The following SLC4A10 variants were observed in gnomAD, a reference collection of about 807,000 sequenced individuals.
The protein encoded by SLC4A10 is sodium-driven chloride bicarbonate exchanger.
Under a neutral mutation model 137.7 loss-of-function variants are expected in SLC4A10, and 42 were observed. That is an observed-to-expected ratio of 0.30 (90% CI 0.24 to 0.39). The LOEUF is 0.39. Ranked by LOEUF, SLC4A10 falls within the 10% of genes least tolerant of loss-of-function variation. SLC4A10 has a pLI of 1.00. For synonymous variants in SLC4A10, 474 were observed against 464.1 expected (o/e 1.02, Z -0.27); for missense variants, 925 against 1,355.0 (o/e 0.68, Z 4.98).
Position 161,964,081 on chromosome 2 carries a change from T to G in SLC4A10, c.2863-54T>G, listed in dbSNP as rs955287626. 7 of 1,469,610 alleles carry G rather than the reference T, an allele frequency of 4.8e-6. No individual in the cohort carries two copies. The African/African-American group carries it at 8.5e-5, about 18-fold the overall frequency. The allele number at this position is 1,469,610 out of a possible 1,614,324, so 91.0% of individuals were successfully genotyped here. On this transcript the variant is annotated intron_variant, in intron 21 of 26. Transcript: ENST00000446997. ...GACCATATTAAACATCAACTTGTCC[T>G]ACTTTTATTGTTGTCTTACACCTAA...
rs148402683 is a variant in SLC4A10 at position 161,656,674 on chromosome 2, G to A, written c.48+32108G>A. On this transcript the variant is annotated intron_variant, in intron 1 of 26. Transcript: ENST00000446997. ...AGTGATATCTTTGAATTAATGTTTC[G>A]TGCCTGAGTCACCAGCTGACCATTT... Among the ~76,000 whole-genome samples, 594 of 152,052 alleles carry A rather than the reference G, an allele frequency of 3.9e-3. 2 individuals carry two copies. The highest frequency in any genetic ancestry group is 0.013 in the African/African-American group (552 of 41,494).
intron 1 of SLC4A10, among the ~76,000 whole-genome samples, chr2:161,665,935 A>G (rs1157625222): frequency 6.8e-6 from 1 of 148,076 alleles, no homozygotes; most frequent in Non-Finnish European, 1.5e-5. Context: ...TATAGACTAC[A>G]TTATATATAT....
intron 1 of SLC4A10, among the ~76,000 whole-genome samples, chr2:161,724,595 A>G (rs1458484179): frequency 6.6e-6 from 1 of 152,164 alleles, no homozygotes; most frequent in Non-Finnish European, 1.5e-5. Context: ...TTGTCAAGAA[A>G]AGCTTCTCTG....
rs1040107318 is a variant in SLC4A10, at chr2:161,635,407, C to T, written c.48+10841C>T. 2.6e-5 allele frequency among the ~76,000 whole-genome samples: 4 copies of T among 152,198 alleles called. No individual in the cohort carries two copies. The East Asian group carries it at 7.7e-4, about 29-fold the overall frequency. On this transcript the variant is annotated intron_variant, in intron 1 of 26. Coordinates refer to ENST00000446997, the MANE Select transcript of SLC4A10 (RefSeq NM_001178015.2). ...CTTATACTAAGCAGATGTTGTCATT[C>T]CTTGGCCCTCCAAAAAGTCCACAAG...
intron 1 of SLC4A10, among the ~76,000 whole-genome samples, chr2:161,765,703 G>C (rs1395449966): frequency 6.6e-6 from 1 of 151,854 alleles, no homozygotes; most frequent in East Asian, 1.9e-4. Flanking sequence ...TCCTTACACA[G>C]TGCTAAAATT....
intron 19 of SLC4A10, 59 bp downstream of exon 19, chr2:161,950,907 T>A: frequency 7.5e-7 from 1 of 1,337,994 alleles, no homozygotes; most frequent in Non-Finnish European, 1.0e-6. Flanking sequence ...CAACTGATGT[T>A]CATTTGACTT....
At chr2:161,751,667 T>A (rs894958158) in intron 1 of SLC4A10, among the ~76,000 whole-genome samples, 1 of 151,798 alleles carries the variant, frequency 6.6e-6, no homozygotes, top group Non-Finnish European at 1.5e-5. Flanking sequence ...GGCATCACCA[T>A]CCTCCTTTTT....
intron 26 of SLC4A10, among the ~76,000 whole-genome samples, chr2:161,979,805 C>G (rs1427149570): frequency 6.6e-6 from 1 of 152,160 alleles, no homozygotes; most frequent in Non-Finnish European, 1.5e-5. Context: ...TTTGACACCC[C>G]CCATTCTGAG....
intron 1 of SLC4A10, among the ~76,000 whole-genome samples, chr2:161,685,346 C>T (rs914654793): frequency 6.6e-6 from 1 of 152,146 alleles, no homozygotes; most frequent in Non-Finnish European, 1.5e-5. Context: ...TGGCTCACTC[C>T]TGTAATCCCA....
chr2:161,726,747 A>G (rs1323060729), intron 1 of SLC4A10, among the ~76,000 whole-genome samples: 1 of 152,136 alleles, frequency 6.6e-6, no homozygotes, highest in African/African-American at 2.4e-5. Context: ...CAACTCTACT[A>G]AAAATACAAA....
At chr2:161,913,994 T>C (rs1327221325) in intron 15 of SLC4A10, among the ~76,000 whole-genome samples, 1 of 152,230 alleles carries the variant, frequency 6.6e-6, no homozygotes, top group Non-Finnish European at 1.5e-5. Flanking sequence ...GCTACATACT[T>C]TATAGCATTA....
chr2:161,813,909 G>C lies in SLC4A10; in HGVS notation c.277+9314G>C, dbSNP rs1325738329. On this transcript the variant is annotated intron_variant, in intron 3 of 26. Coordinates refer to ENST00000446997, the MANE Select transcript of SLC4A10 (RefSeq NM_001178015.2). ...CCCGTACACCAACCAGAATCTCTGTGCCTGGGGCCTAAGCATGAGTATTTT... is the reference window on the plus strand; with the variant it reads ...CCCGTACACCAACCAGAATCTCTGTCCCTGGGGCCTAAGCATGAGTATTTT... Among the ~76,000 whole-genome samples, 4 of 152,134 alleles carry C rather than the reference G, an allele frequency of 2.6e-5. No individual in the cohort carries two copies. The East Asian group carries it at 7.7e-4, about 29-fold the overall frequency.
rs1345573660 is a variant in SLC4A10 at position 161,662,077 on chromosome 2, A to G, written c.48+37511A>G. ...TCTTTTAACTTCTCCCTCATGCAGT[A>G]ATCTAATATGAATGTTTGGGTAATG... On this transcript the variant is annotated intron_variant, in intron 1 of 26. Transcript: ENST00000446997. 2.0e-5 allele frequency among the ~76,000 whole-genome samples: 3 copies of G among 152,134 alleles called. No individual in the cohort carries two copies. The East Asian group carries it at 5.8e-4, about 29-fold the overall frequency.
intron 22 of SLC4A10, among the ~76,000 whole-genome samples, 180 bp from the exon 23 acceptor site, chr2:161,964,871 A>T (rs1697314908): frequency 6.6e-6 from 1 of 152,160 alleles, no homozygotes; most frequent in South Asian, 2.1e-4. Flanking sequence ...GTGGTGATGT[A>T]GTAAGAAAAG....
intron 1 of SLC4A10, among the ~76,000 whole-genome samples, chr2:161,724,024 C>G (rs1386247421): frequency 6.6e-6 from 1 of 152,164 alleles, no homozygotes; most frequent in Non-Finnish European, 1.5e-5. Context: ...AGCATGACAA[C>G]CTGACAATCA....
chr2:161,766,001 A>C (rs914931269), intron 1 of SLC4A10, among the ~76,000 whole-genome samples: 2 of 152,118 alleles, frequency 1.3e-5, no homozygotes, highest in African/African-American at 4.8e-5. Context: ...GAGGACTTTT[A>C]GTACATGTAT....
intron 6 of SLC4A10, 38 bp from the exon 7 acceptor site, chr2:161,872,255 A>G: frequency 6.6e-7 from 1 of 1,510,558 alleles, no homozygotes; most frequent in Non-Finnish European, 9.2e-7. Flanking sequence ...CAACTATGTA[A>G]GTAATTGTTT....
chr2:161,626,839 A>T (rs557682271), intron 1 of SLC4A10, among the ~76,000 whole-genome samples: 13 of 152,256 alleles, frequency 8.5e-5, no homozygotes, highest in African/African-American at 3.1e-4. Flanking sequence ...AACCAAGCTT[A>T]ACATGATCAG....
intron 1 of SLC4A10, among the ~76,000 whole-genome samples, chr2:161,657,376 A>G (rs1043540730): frequency 6.6e-6 from 1 of 152,064 alleles, no homozygotes; most frequent in African/African-American, 2.4e-5. Flanking sequence ...TTTCTACTAC[A>G]CCATGTAAAA....
Sources: gnomAD v4.1 joint callset for allele counts (sites outside exome capture counted in the v4.1 genomes callset) on GRCh38, gnomAD v4.1.1 for gene constraint, MANE v1.5 for transcripts, NCBI Gene and HGNC (gene_info 2026-07-23, HGNC 2026-07-21) for gene names.